Variants in RCN3 observed in about 807,000 individuals in gnomAD.
RCN3 encodes the protein reticulocalbin 3.
RCN3 carries 41 observed loss-of-function variants against 35.9 expected under a neutral mutation model. The ratio of observed to expected loss-of-function variants is 1.14; its 90% confidence interval spans 0.89 to 1.48. The LOEUF is 1.48. Ranked by LOEUF, RCN3 falls within the 40% of genes most tolerant of loss-of-function variation. The pLI, the probability that RCN3 is intolerant of heterozygous loss-of-function variation, is 0.00. For synonymous variants in RCN3, 187 were observed against 193.4 expected (o/e 0.97, Z 0.27); for missense variants, 451 against 471.3 (o/e 0.96, Z 0.40).
At chr19:49,534,117 AG>A in intron 2 of RCN3, 75 bp from the exon 3 acceptor site, 1 of 1,321,684 alleles carries the variant, frequency 7.6e-7, no homozygotes, top group Non-Finnish European at 9.9e-7. Flanking sequence ...GAAGTGTCCC[AG>A]GGGGCGTGGC....
rs146820947 is a variant in RCN3 at position 49,539,123 on chromosome 19, C to A, written c.623C>A (p.Thr208Asn). ...PHMRDIVIAE[T>N]LEDLDRNKDG... ...CAATGCCCCTTTCTCCTCCAGGAAA[C>A]CCTGGAGGACCTGGACAGAAACAAA... Residue 208 changes from threonine to asparagine, a missense_variant, in exon 5 of 7, where the codon ACC becomes AAC. Transcript: ENST00000270645. 615 of 1,602,784 alleles carry A rather than the reference C, an allele frequency of 3.8e-4. 6 individuals carry two copies. The South Asian group carries it at 6.5e-3, about 17-fold the overall frequency.
rs751496757 is a variant in RCN3 at position 49,542,735 on chromosome 19, G to A, written c.862G>A (p.Glu288Lys). ...PLVEANHLLHESDTDKDGRLS... is the reference protein window; with the variant it reads ...PLVEANHLLHKSDTDKDGRLS... ...GGTGGAAGCCAACCACCTGCTGCAC[G>A]AGAGCGACACGGACAAGGTGCAGTG... Residue 288 changes from glutamate (E) to lysine (K), a missense_variant, in exon 6 of 7, where the codon GAG becomes AAG. Physicochemically the swap from Glu to Lys is moderately conservative, Grantham distance 56. Transcript: ENST00000270645. 104 of 1,590,144 alleles carry A rather than the reference G, an allele frequency of 6.5e-5. No homozygotes were observed. Among genetic ancestry groups the A allele is most frequent in the Non-Finnish European group, 8.5e-5 (99 of 1,169,886 alleles).
At chr19:49,529,901 C>T (rs1037260496) in intron 2 of RCN3, among the ~76,000 whole-genome samples, 30 of 150,518 alleles carry the variant, frequency 2.0e-4, no homozygotes, top group Admixed American at 1.1e-3. Flanking sequence ...GGATTACAGG[C>T]GCTAGCCACC....
At chr19:49,532,095 C>T (rs1397494662) in intron 2 of RCN3, among the ~76,000 whole-genome samples, 1 of 137,710 alleles carries the variant, frequency 7.3e-6, no homozygotes, top group Admixed American at 7.7e-5. Flanking sequence ...GCCATGGCGC[C>T]TGGCCTTTTT....
chr19:49,534,104 T>A, intron 2 of RCN3, 89 bp from the exon 3 acceptor site: 1 of 1,244,992 alleles, frequency 8.0e-7, no homozygotes, highest in Non-Finnish European at 1.1e-6. Flanking sequence ...CAGCCCCGGA[T>A]CCGAAGTGTC....
intron 2 of RCN3, among the ~76,000 whole-genome samples, chr19:49,531,814 A>G (rs2080109223): frequency 6.6e-6 from 1 of 152,028 alleles, no homozygotes; most frequent in Admixed American, 6.6e-5. Flanking sequence ...TATTATTATT[A>G]TTTTGAGACG....
At chr19:49,535,863 T>A (rs55817749) in intron 3 of RCN3, among the ~76,000 whole-genome samples, 10,696 of 134,538 alleles carry the variant, frequency 0.08, 428 homozygotes, top group East Asian at 0.17. Context: ...AAAAAAAAAA[T>A]ATATATATAT....
intron 2 of RCN3, among the ~76,000 whole-genome samples, chr19:49,532,067 C>T (rs1479204865): frequency 7.0e-6 from 1 of 142,692 alleles, no homozygotes; most frequent in African/African-American, 2.6e-5. Context: ...TCCCAAAGCA[C>T]TGGGATTACA....
chr19:49,539,972 C>T (rs978829650), intron 5 of RCN3, among the ~76,000 whole-genome samples: 2 of 152,108 alleles, frequency 1.3e-5, no homozygotes, highest in Non-Finnish European at 2.9e-5. Context: ...ATCTGCTCAT[C>T]TTGGCCTCCC....
chr19:49,540,608 G>A (rs1194953473), intron 5 of RCN3, among the ~76,000 whole-genome samples: 1 of 149,110 alleles, frequency 6.7e-6, no homozygotes, highest in Non-Finnish European at 1.5e-5. Context: ...CAACAAGAGC[G>A]AAACTCCATC....
chr19:49,533,849 A>C (rs904199274), intron 2 of RCN3, among the ~76,000 whole-genome samples: 2 of 152,126 alleles, frequency 1.3e-5, no homozygotes, highest in Admixed American at 1.3e-4. Context: ...TCACCACCCC[A>C]GCTCGGCCCA....
intron 2 of RCN3, 76 bp from the exon 3 acceptor site, chr19:49,534,116 CA>C (rs1601210705): frequency 3.0e-6 from 4 of 1,327,482 alleles, no homozygotes; most frequent in Admixed American, 3.1e-5. Flanking sequence ...CGAAGTGTCC[CA>C]GGGGGCGTGG....
At chr19:49,528,411 C>A in intron 1 of RCN3, 56 bp from the exon 2 acceptor site, 1 of 1,431,054 alleles carries the variant, frequency 7.0e-7, no homozygotes, top group Non-Finnish European at 9.2e-7. Context: ...ATTCTCCTAT[C>A]CCGTGTCTGT....
intron 5 of RCN3, among the ~76,000 whole-genome samples, chr19:49,541,351 A>T (rs566003167): frequency 6.6e-6 from 1 of 152,166 alleles, no homozygotes; most frequent in African/African-American, 2.4e-5. Flanking sequence ...GGTTGAAGGG[A>T]TCTGCTGAAG....
At chr19:49,530,754 C>T (rs902722464) in intron 2 of RCN3, among the ~76,000 whole-genome samples, 1 of 152,186 alleles carries the variant, frequency 6.6e-6, no homozygotes, top group Non-Finnish European at 1.5e-5. Context: ...CCTCGGCCTC[C>T]CGAAGTGCTG....
chr19:49,531,831 C>T (rs1429802311), intron 2 of RCN3, among the ~76,000 whole-genome samples: 1 of 152,138 alleles, frequency 6.6e-6, no homozygotes, highest in Admixed American at 6.6e-5. Flanking sequence ...GACGCAGTCT[C>T]GCTCTGTCTC....
intron 3 of RCN3, among the ~76,000 whole-genome samples, chr19:49,535,988 A>G (rs2080132893): frequency 6.8e-6 from 1 of 146,564 alleles, no homozygotes; most frequent in South Asian, 2.1e-4. Context: ...GTATCAATAT[A>G]TGCTTTTTTT....
chr19:49,539,020 A>G (rs796773343), intron 4 of RCN3, 99 bp from the exon 5 acceptor site: 1 of 798,080 alleles, frequency 1.3e-6, no homozygotes, highest in South Asian at 1.9e-5. Flanking sequence ...GCCCGGAGCT[A>G]AATTTCCAAG....
At chr19:49,541,982 A>G (rs1568712928) in intron 5 of RCN3, among the ~76,000 whole-genome samples, 1 of 148,066 alleles carries the variant, frequency 6.8e-6, no homozygotes, top group Non-Finnish European at 1.5e-5. Flanking sequence ...CTCCATCTTA[A>G]AAAAAAAAAG....
Sources: gnomAD v4.1 joint callset for allele counts (sites outside exome capture counted in the v4.1 genomes callset) on GRCh38, gnomAD v4.1.1 for gene constraint, MANE v1.5 for transcripts, NCBI Gene and HGNC (gene_info 2026-07-23, HGNC 2026-07-21) for gene names.